The following EXOC4 variants were observed in gnomAD, a reference collection of about 807,000 sequenced individuals.
EXOC4 encodes the protein exocyst complex component 4, also known as SEC8-like 1.
In EXOC4, 71 loss-of-function variants were observed where a neutral mutation model predicts 107.2. The ratio of observed to expected loss-of-function variants is 0.66; its 90% CI spans 0.55 to 0.81. The LOEUF is 0.81. Ranked by LOEUF, EXOC4 falls within the 30% of genes least tolerant of loss-of-function variation. The probability of loss-of-function intolerance (pLI) is 0.00; values close to 1 mark genes in which losing one functional copy is unlikely to be tolerated. For synonymous variants in EXOC4, 456 were observed against 441.2 expected (o/e 1.03, Z -0.42); for missense variants, 1,108 against 1,189.6 (o/e 0.93, Z 1.01).
intron 9 of EXOC4, among the ~76,000 whole-genome samples, chr7:133,485,704 A>G (rs1235018989): frequency 2.0e-5 from 3 of 152,184 alleles, no homozygotes; most frequent in African/African-American, 7.2e-5. Context: ...TACCTAGGAT[A>G]ATGCTTGGCT....
At chr7:133,279,330 T>A (rs1794077040) in intron 2 of EXOC4, among the ~76,000 whole-genome samples, 1 of 152,168 alleles carries the variant, frequency 6.6e-6, no homozygotes, top group South Asian at 2.1e-4. Context: ...TTTGGGTAGA[T>A]ACCCAGTAAT....
chr7:134,079,747 C>T, the EXOC4 span, among the ~76,000 whole-genome samples: 3 of 152,234 alleles, frequency 2.0e-5, no homozygotes, highest in African/African-American at 4.8e-5. Flanking sequence ...CTAACCATCA[C>T]TTTCCTAGTT....
At chr7:133,702,629 ATTTTATTTATTTAGG>A (rs1323978237) in intron 10 of EXOC4, among the ~76,000 whole-genome samples, 9 of 151,478 alleles carry the variant, frequency 5.9e-5, no homozygotes, top group South Asian at 2.1e-4. Flanking sequence ...CCCAGCCTGT[ATTTTATTTATTTAGG>A]TGAGAAGAAA....
rs923377684 is a variant in EXOC4 at position 133,276,308 on chromosome 7, A to G, written c.276+1137A>G. 3.3e-5 allele frequency among the ~76,000 whole-genome samples: 5 copies of G among 152,228 alleles called. No individual in the cohort carries two copies. The South Asian group carries it at 1.0e-3, about 32-fold the overall frequency. ...ACTGATCAAATAAGGGTTATGTAGT[A>G]TAACATTATAGTTATGTGGTTTTTA... is the stretch of plus-strand genomic sequence containing the variant. On this transcript the variant is annotated intron_variant, in intron 2 of 17. Coordinates refer to ENST00000253861, the MANE Select transcript of EXOC4 (RefSeq NM_021807.4).
the EXOC4 span, among the ~76,000 whole-genome samples, chr7:134,080,320 A>C: frequency 2.6e-5 from 4 of 152,218 alleles, no homozygotes; most frequent in Non-Finnish European, 4.4e-5. Flanking sequence ...ATGCTTACTG[A>C]AGGGACTAAA....
At chr7:134,011,248 C>T (rs1585320020) in intron 17 of EXOC4, among the ~76,000 whole-genome samples, 1 of 151,668 alleles carries the variant, frequency 6.6e-6, no homozygotes, top group African/African-American at 2.4e-5. Context: ...CAGATGGTGG[C>T]AGCATAACAA....
At chr7:133,341,277 T>C (rs1344470721) in intron 5 of EXOC4, among the ~76,000 whole-genome samples, 1 of 152,234 alleles carries the variant, frequency 6.6e-6, no homozygotes, top group African/African-American at 2.4e-5. Context: ...CCATCTTGAT[T>C]TCCTTGTTGA....
At chr7:133,949,152 C>T (rs1015502229) in intron 14 of EXOC4, among the ~76,000 whole-genome samples, 4 of 152,262 alleles carry the variant, frequency 2.6e-5, no homozygotes, top group African/African-American at 7.2e-5. Flanking sequence ...ATTTTGGACC[C>T]AAATTTGGTA....
chr7:133,679,259 T>A (rs968819993), intron 10 of EXOC4, among the ~76,000 whole-genome samples: 1 of 152,216 alleles, frequency 6.6e-6, no homozygotes, highest in Non-Finnish European at 1.5e-5. Context: ...GCAAATTACA[T>A]TTTCAGAATT....
At chr7:133,860,979 C>T (rs771232976) in intron 11 of EXOC4, among the ~76,000 whole-genome samples, 76 of 152,196 alleles carry the variant, frequency 5.0e-4, no homozygotes, top group Non-Finnish European at 9.3e-4. Flanking sequence ...TTACCCTTCA[C>T]TTTTCTTTAT....
At chr7:133,266,150 CACT>C (rs1793726597) in intron 1 of EXOC4, among the ~76,000 whole-genome samples, 2 of 152,216 alleles carry the variant, frequency 1.3e-5, no homozygotes, top group Admixed American at 1.3e-4. Context: ...AGAAGCCTCT[CACT>C]CTGCTTGTAA....
chr7:133,606,735 C>T (rs769702404), intron 9 of EXOC4, among the ~76,000 whole-genome samples: 3 of 151,818 alleles, frequency 2.0e-5, no homozygotes, highest in African/African-American at 7.3e-5. Context: ...AGGCTAGTCT[C>T]GAACTCCCGA....
chr7:133,823,764 C>T (rs185802658), intron 11 of EXOC4, among the ~76,000 whole-genome samples: 290 of 138,194 alleles, frequency 2.1e-3, no homozygotes, highest in Non-Finnish European at 2.4e-3. Context: ...TGTAGTGAGC[C>T]AAGATAGCGC....
chr7:133,983,474 G>C lies in EXOC4; in HGVS notation c.2207-14018G>C, dbSNP rs571747298. The stretch of plus-strand genomic sequence containing the variant: ...ATTCAACTGCTTTAGTTCTATTTCC[G>C]CTTACTTGCTGTGTCATATTGGGAA... On this transcript the variant is annotated intron_variant, in intron 14 of 17. Coordinates refer to ENST00000253861, the MANE Select transcript of EXOC4 (RefSeq NM_021807.4). Among the ~76,000 whole-genome samples, 62 of 152,202 alleles carry C rather than the reference G, an allele frequency of 4.1e-4. 1 individual carries two copies. Among genetic ancestry groups the C allele is most frequent in the African/African-American group, 1.4e-3 (58 of 41,542 alleles).
chr7:133,647,869 C>T (rs75067548), intron 10 of EXOC4, among the ~76,000 whole-genome samples: 3 of 152,132 alleles, frequency 2.0e-5, no homozygotes, highest in East Asian at 3.9e-4. Context: ...GGTTAAAATA[C>T]GTGATTTTTC....
chr7:133,681,418 A>G (rs1794184341), intron 10 of EXOC4, among the ~76,000 whole-genome samples: 1 of 152,040 alleles, frequency 6.6e-6, no homozygotes, highest in Non-Finnish European at 1.5e-5. Flanking sequence ...CTGTATCTAT[A>G]GTGAGAAAGG....
intron 12 of EXOC4, among the ~76,000 whole-genome samples, chr7:133,902,732 G>A (rs553407955): frequency 2.4e-4 from 36 of 152,124 alleles, no homozygotes; most frequent in African/African-American, 4.6e-4. Context: ...GCAGGTGCCC[G>A]TAGTCCCAAC....
At chr7:133,941,821 T>TTCTCTCTCTCTCTCTCTATCTCTCTC (rs1800435837) in intron 14 of EXOC4, among the ~76,000 whole-genome samples, 1 of 129,544 alleles carries the variant, frequency 7.7e-6, no homozygotes, top group Non-Finnish European at 1.7e-5. Context: ...TGCTTACAGA[T>TTCTCTCTCTCTCTCTCTATCTCTCTC]TCTCTCTCTC....
intron 10 of EXOC4, among the ~76,000 whole-genome samples, chr7:133,645,258 A>AT (rs1215656839): frequency 1.3e-5 from 2 of 151,156 alleles, no homozygotes; most frequent in East Asian, 3.9e-4. Flanking sequence ...TGCCTGGCTA[A>AT]TTTTTTGTAT....
Sources: allele counts gnomAD v4.1 joint callset (sites outside exome capture counted in the v4.1 genomes callset), GRCh38; gene constraint gnomAD v4.1.1; transcripts MANE v1.5; gene names NCBI Gene and HGNC (gene_info 2026-07-23, HGNC 2026-07-21).